Variants in SLC71A2 observed in about 807,000 individuals in gnomAD.
The protein encoded by SLC71A2 is solute carrier family 71 member 2.
At chr9:94,451,620 A>G in the SLC71A2 span, 1 of 638,712 alleles carries the variant, frequency 1.6e-6, no homozygotes, top group African/African-American at 1.9e-5. Flanking sequence ...GCAGGAAGAT[A>G]TTCCCTGAGC....
the SLC71A2 span, among the ~76,000 whole-genome samples, chr9:94,418,534 C>T: frequency 6.6e-6 from 1 of 152,068 alleles, no homozygotes; most frequent in Non-Finnish European, 1.5e-5. Context: ...CCTCCACCTC[C>T]TGGTTTCAGG....
At chr9:94,440,505 G>A in the SLC71A2 span, among the ~76,000 whole-genome samples, 1 of 151,392 alleles carries the variant, frequency 6.6e-6, no homozygotes, top group African/African-American at 2.4e-5. Context: ...GTTCTATAAG[G>A]TTTTTCTTTG....
At chr9:94,379,255 T>A in the SLC71A2 span, among the ~76,000 whole-genome samples, 96 of 149,386 alleles carry the variant, frequency 6.4e-4, no homozygotes, top group African/African-American at 2.3e-3. Flanking sequence ...CCCGGATAAT[T>A]TTGTATTTTT....
chr9:94,391,589 T>C, the SLC71A2 span, among the ~76,000 whole-genome samples: 1 of 151,440 alleles, frequency 6.6e-6, no homozygotes, highest in African/African-American at 2.4e-5. Context: ...GGATGTGAAC[T>C]CTTTAAAAAA....
At chr9:94,415,540 A>G in the SLC71A2 span, among the ~76,000 whole-genome samples, 5 of 152,168 alleles carry the variant, frequency 3.3e-5, no homozygotes, top group African/African-American at 1.2e-4. Flanking sequence ...AAGATACTCT[A>G]CAGCAGCAAC....
chr9:94,455,864 T>C, the SLC71A2 span, among the ~76,000 whole-genome samples: 2 of 151,922 alleles, frequency 1.3e-5, no homozygotes, highest in Non-Finnish European at 2.9e-5. Flanking sequence ...CTTCAAGAGG[T>C]ACAAAGAAAA....
At chr9:94,446,646 C>G in the SLC71A2 span, among the ~76,000 whole-genome samples, 1 of 151,604 alleles carries the variant, frequency 6.6e-6, no homozygotes, top group South Asian at 2.1e-4. Context: ...AAATATATAC[C>G]TCTGAAATTA....
At chr9:94,453,788 A>C in the SLC71A2 span, among the ~76,000 whole-genome samples, 1 of 151,544 alleles carries the variant, frequency 6.6e-6, no homozygotes, top group East Asian at 1.9e-4. Context: ...AGCCCCCAAC[A>C]CTCCACCCCT....
the SLC71A2 span, among the ~76,000 whole-genome samples, chr9:94,424,750 T>A: frequency 9.1e-5 from 9 of 98,766 alleles, no homozygotes; most frequent in African/African-American, 2.5e-4. Context: ...TTTTTTTTTT[T>A]ATTCTTTGAT....
chr9:94,459,096 G>C, the SLC71A2 span: 2 of 1,523,704 alleles, frequency 1.3e-6, no homozygotes, highest in Non-Finnish European at 1.8e-6. Flanking sequence ...GGGTAATCTA[G>C]GAATAATTTT....
At chr9:94,424,727 CTTTTTTTTTT>C in the SLC71A2 span, among the ~76,000 whole-genome samples, 1 of 91,818 alleles carries the variant, frequency 1.1e-5, no homozygotes, top group African/African-American at 4.7e-5. Flanking sequence ...TTGTTTTCTG[CTTTTTTTTTT>C]TTTTTTTTTT....
chr9:94,390,807 C>G, the SLC71A2 span, among the ~76,000 whole-genome samples: 4 of 152,178 alleles, frequency 2.6e-5, no homozygotes, highest in Non-Finnish European at 5.9e-5. Context: ...AGTACTGATA[C>G]ATGCAAGGCT....
At chr9:94,407,916 G>A in the SLC71A2 span, among the ~76,000 whole-genome samples, 6 of 152,106 alleles carry the variant, frequency 3.9e-5, no homozygotes, top group South Asian at 2.1e-4. Flanking sequence ...CCATTCCTTC[G>A]TCCAGCATTT....
the SLC71A2 span, among the ~76,000 whole-genome samples, chr9:94,411,792 T>C: frequency 1.3e-5 from 2 of 152,066 alleles, no homozygotes; most frequent in African/African-American, 4.8e-5. Flanking sequence ...GGTTTCACCA[T>C]GATGGCCAGG....
the SLC71A2 span, among the ~76,000 whole-genome samples, chr9:94,385,193 A>T: frequency 1.3e-5 from 2 of 152,100 alleles, no homozygotes; most frequent in Non-Finnish European, 2.9e-5. Flanking sequence ...TTACCTTTTA[A>T]CTCTGCTGAT....
chr9:94,405,021 G>C, the SLC71A2 span, among the ~76,000 whole-genome samples: 1 of 151,926 alleles, frequency 6.6e-6, no homozygotes, highest in Non-Finnish European at 1.5e-5. Context: ...TTTATATATG[G>C]TTTAGGGTAG....
chr9:94,429,592 A>G, the SLC71A2 span, among the ~76,000 whole-genome samples: 1 of 152,134 alleles, frequency 6.6e-6, no homozygotes, highest in African/African-American at 2.4e-5. Flanking sequence ...TTTTAGGTAT[A>G]CTAAAAAGAA....
At chr9:94,422,273 A>T in the SLC71A2 span, among the ~76,000 whole-genome samples, 1 of 152,080 alleles carries the variant, frequency 6.6e-6, no homozygotes, top group Non-Finnish European at 1.5e-5. Context: ...ACTTTGCCTG[A>T]TGTCCCTTTT....
chr9:94,455,365 G>T, the SLC71A2 span, among the ~76,000 whole-genome samples: 71 of 133,246 alleles, frequency 5.3e-4, 1 homozygote, highest in South Asian at 2.5e-3. Context: ...CACCATGCCT[G>T]GCTAATATTC....
Sources: gnomAD v4.1 joint callset for allele counts (sites outside exome capture counted in the v4.1 genomes callset) on GRCh38, gnomAD v4.1.1 for gene constraint, MANE v1.5 for transcripts, NCBI Gene and HGNC (gene_info 2026-07-23, HGNC 2026-07-21) for gene names.